Variants in GRAP2 observed in about 807,000 individuals in gnomAD.
GRAP2 encodes GRB2 related adaptor protein 2, also known as GRB2-related adapter protein 2.
A neutral mutation model predicts 43.5 loss-of-function variants in GRAP2; 31 were observed. The ratio of observed to expected loss-of-function variants is 0.71; its 90% CI spans 0.54 to 0.96. GRAP2 has a LOEUF of 0.96. Among genes scored for constraint, GRAP2 ranks in the 40% least tolerant of loss-of-function variants. GRAP2 has a pLI of 0.00. For missense variants in GRAP2, 371 were observed against 424.4 expected, an observed-to-expected ratio of 0.87 and a Z score of 1.11; for synonymous variants, 156 against 164.8, an observed-to-expected ratio of 0.95 and a Z score of 0.41.
At position 39,964,834 on chromosome 22, in the gene GRAP2, T is replaced by G. The variant is rs1601741934; in HGVS notation, c.291-1156T>G. On this transcript the variant is annotated intron_variant, in intron 4 of 7. Transcript: ENST00000344138. ...ACCAGCTCAGAATCTTGCCAGAATC[T>G]GCTCTTTGGTCGTTGTTCTACCCTA... 6 of 328,036 alleles carry G rather than the reference T, an allele frequency of 1.8e-5. 1 individual carries two copies. In the East Asian group the frequency reaches 3.2e-4, roughly 17 times the overall value. The allele number at this position is 328,036 out of a possible 1,614,324, so 20.3% of individuals were successfully genotyped here.
intron 1 of GRAP2, among the ~76,000 whole-genome samples, chr22:39,916,750 T>C (rs1451142042): frequency 6.6e-6 from 1 of 152,232 alleles, no homozygotes; most frequent in Non-Finnish European, 1.5e-5. Context: ...GCGGGGCTCT[T>C]GGAGAAAGAA....
intron 5 of GRAP2, 63 bp from the exon 6 acceptor site, chr22:39,967,979 T>C: frequency 6.4e-7 from 1 of 1,557,706 alleles, no homozygotes; most frequent in Non-Finnish European, 8.7e-7. Flanking sequence ...TGCCCGAGGG[T>C]AGGGTAGGGC....
At chr22:39,942,521 A>T (rs980433537) in intron 1 of GRAP2, among the ~76,000 whole-genome samples, 3 of 152,114 alleles carry the variant, frequency 2.0e-5, no homozygotes, top group African/African-American at 4.8e-5. Flanking sequence ...ACGGTGGCTC[A>T]TGCCTCTAAT....
the GRAP2 span, among the ~76,000 whole-genome samples, chr22:39,895,070 C>T: frequency 5.9e-5 from 9 of 152,258 alleles, no homozygotes; most frequent in African/African-American, 2.2e-4. Flanking sequence ...ACAACTGTCA[C>T]AAAGGCTATT....
intron 1 of GRAP2, among the ~76,000 whole-genome samples, chr22:39,924,798 G>A (rs2145594276): frequency 6.6e-6 from 1 of 152,360 alleles, no homozygotes; most frequent in Non-Finnish European, 1.5e-5. Flanking sequence ...GCAAAGAGGA[G>A]TGAGGCTGGG....
intron 4 of GRAP2, among the ~76,000 whole-genome samples, chr22:39,963,114 A>G (rs921118131): frequency 9.2e-5 from 14 of 152,250 alleles, no homozygotes; most frequent in African/African-American, 3.1e-4. Context: ...ACGTCTTTGC[A>G]GAAATGTAGT....
chr22:39,964,708 A>C, intron 4 of GRAP2: 2 of 381,712 alleles, frequency 5.2e-6, no homozygotes, highest in South Asian at 1.4e-4. Context: ...TTAAGAATAA[A>C]CTTTTGTAAA....
chr22:39,904,086 C>T (rs569809174), intron 1 of GRAP2, among the ~76,000 whole-genome samples: 1 of 152,178 alleles, frequency 6.6e-6, no homozygotes, highest in Admixed American at 6.5e-5. Context: ...TTAAGACATA[C>T]CTTAAGGAGA....
Position 39,970,931 on chromosome 22 carries a change from TGA to T in GRAP2, c.841_842del (p.Asp281LeufsTer2). 6.2e-7 allele frequency: 1 copy of T among 1,611,810 alleles called. No individual in the cohort carries two copies. The highest frequency in any genetic ancestry group is 1.1e-5 in the South Asian group (1 of 90,834). ...GAGTGCGGTGGGCCCGGGCGCTGTA[TGA>T]CTTTGAGGCCCTGGAGGATGACGAG... ...GRVRWARALY[D>X]FEALEDDELG... is the part of the protein sequence containing the mutation. On this transcript the variant is annotated frameshift_variant, in exon 8 of 8. Transcript: ENST00000344138. LOFTEE classifies it high-confidence loss of function.
At chr22:39,964,524 G>T in intron 4 of GRAP2, 1 of 903,678 alleles carries the variant, frequency 1.1e-6, no homozygotes, top group East Asian at 2.4e-5. Flanking sequence ...TCGTGGGGAA[G>T]GGGCCTCTGG....
chr22:39,969,513 G>T lies in GRAP2; in HGVS notation c.793G>T (p.Val265Leu), dbSNP rs1389906842. ...ALMHRRHTDPVQLQAAGRVRW... is the reference protein window; with the variant it reads ...ALMHRRHTDPLQLQAAGRVRW... ...CATGCATCGGAGACACACAGACCCA[G>T]TGCAGCTCCAGGCGGCAGGGGTATG... is the stretch of plus-strand genomic sequence containing the variant. Residue 265 changes from valine to leucine, a missense_variant, in exon 7 of 8, where the codon GTG becomes TTG. Transcript: ENST00000344138. 2 of 1,614,068 alleles carry T rather than the reference G, an allele frequency of 1.2e-6. No individual in the cohort carries two copies. Among genetic ancestry groups the T allele is most frequent in the Non-Finnish European group, 1.7e-6 (2 of 1,179,950 alleles).
chr22:39,938,642 T>C (rs553812757), intron 1 of GRAP2, among the ~76,000 whole-genome samples: 18 of 152,288 alleles, frequency 1.2e-4, no homozygotes, highest in African/African-American at 4.1e-4. Context: ...CCTTCCCAGA[T>C]GGGGAAGAGA....
chr22:39,941,472 T>G (rs2066870703), intron 1 of GRAP2, among the ~76,000 whole-genome samples: 1 of 152,218 alleles, frequency 6.6e-6, no homozygotes, highest in Non-Finnish European at 1.5e-5. Flanking sequence ...GGAGATAGGA[T>G]ATAGATATAA....
At chr22:39,933,709 C>T (rs1423856827) in intron 1 of GRAP2, among the ~76,000 whole-genome samples, 3 of 151,952 alleles carry the variant, frequency 2.0e-5, no homozygotes, top group East Asian at 1.9e-4. Context: ...GGCGTGGTGG[C>T]GGGCACCTGT....
At chr22:39,893,843 C>T in the GRAP2 span, 1 of 152,250 alleles carries the variant, frequency 6.6e-6, no homozygotes, top group Non-Finnish European at 1.5e-5. Context: ...GGGCGTCAAG[C>T]AAGATGGTTG....
At chr22:39,956,809 A>G (rs557772564) in intron 3 of GRAP2, among the ~76,000 whole-genome samples, 7 of 152,306 alleles carry the variant, frequency 4.6e-5, no homozygotes, top group African/African-American at 1.4e-4. Context: ...AACTCAAATT[A>G]TCTATAGTGA....
Position 39,951,803 on chromosome 22 carries a change from A to AT in GRAP2, c.79-4008dup, listed in dbSNP as rs200554003. Among the ~76,000 whole-genome samples, 329 of 152,046 alleles carry AT rather than the reference A, an allele frequency of 2.2e-3. 1 individual carries two copies. The highest frequency in any genetic ancestry group is 7.4e-3 in the African/African-American group (309 of 41,488). On this transcript the variant is annotated intron_variant, in intron 2 of 7. Transcript: ENST00000344138. ...ATACTTTTCTTTGCAGAAAATGAGA[A>AT]TTTTTTTTAAAAAAAAACCTCACCT...
upstream of GRAP2, among the ~76,000 whole-genome samples, chr22:39,898,008 A>G (rs1458289588): frequency 6.6e-6 from 1 of 152,130 alleles, no homozygotes; most frequent in Non-Finnish European, 1.5e-5. Flanking sequence ...CCATGGCAAC[A>G]AGGCCCTACA....
intron 1 of GRAP2, among the ~76,000 whole-genome samples, chr22:39,932,840 G>A (rs2066769844): frequency 1.3e-5 from 2 of 152,110 alleles, no homozygotes; most frequent in Admixed American, 6.5e-5. Context: ...AGAACATTAT[G>A]AGGCAGGCAC....
Sources: allele counts gnomAD v4.1 joint callset (sites outside exome capture counted in the v4.1 genomes callset), GRCh38; gene constraint gnomAD v4.1.1; transcripts MANE v1.5; gene names NCBI Gene and HGNC (gene_info 2026-07-23, HGNC 2026-07-21).